Variants in ARHGEF18 observed in about 807,000 individuals in gnomAD.
ARHGEF18 encodes rho guanine nucleotide exchange factor 18.
In ARHGEF18, 93 loss-of-function variants were observed where a neutral mutation model predicts 155.7. The ratio of observed to expected loss-of-function variants is 0.60; its 90% confidence interval spans 0.50 to 0.71. The LOEUF is 0.71. ARHGEF18 is among the 30% of genes least tolerant of loss of function. The probability of loss-of-function intolerance (pLI) is 0.00; values close to 1 mark genes in which losing one functional copy is unlikely to be tolerated. For synonymous variants in ARHGEF18, 742 were observed against 753.1 expected (o/e 0.99, Z 0.24); for missense variants, 1,593 against 1,816.1 (o/e 0.88, Z 2.23).
chr19:7,398,699 A>T (rs900469196), intron 10 of ARHGEF18, among the ~76,000 whole-genome samples: 4 of 148,860 alleles, frequency 2.7e-5, no homozygotes, highest in Admixed American at 1.3e-4. Flanking sequence ...TCAAAAAAAA[A>T]AAAAAAAATA....
intron 10 of ARHGEF18, among the ~76,000 whole-genome samples, chr19:7,404,555 G>A (rs1457059656): frequency 2.0e-5 from 3 of 150,430 alleles, no homozygotes; most frequent in Non-Finnish European, 4.4e-5. Context: ...CGTCTCCCGG[G>A]TTCAAGTGAT....
At chr19:7,476,077 G>A (rs1027552965), downstream of ARHGEF18, among the ~76,000 whole-genome samples, 3 of 152,226 alleles carry the variant, frequency 2.0e-5, no homozygotes, top group Admixed American at 6.5e-5. Flanking sequence ...CTGGGAGGCC[G>A]AGGCAGGCAG....
chr19:7,382,507 TTCCCAGCCCAGG>T (rs1438687337), intron 8 of ARHGEF18, among the ~76,000 whole-genome samples: 1 of 151,726 alleles, frequency 6.6e-6, no homozygotes, highest in East Asian at 1.9e-4. Context: ...AGAGCTGAAA[TTCCCAGCCCAGG>T]CATTGAGGGA....
chr19:7,472,906 TG>T (rs199959278), downstream of ARHGEF18: 3,709 of 446,932 alleles, frequency 8.3e-3, 118 homozygotes, highest in African/African-American at 0.067. Flanking sequence ...TTCGCCATGT[TG>T]GCGAGGCTGG....
intron 10 of ARHGEF18, among the ~76,000 whole-genome samples, chr19:7,386,728 C>G (rs1171157781): frequency 3.9e-5 from 6 of 152,066 alleles, no homozygotes; most frequent in Non-Finnish European, 8.8e-5. Flanking sequence ...ATGCCTGCCC[C>G]CATCTGAGCC....
Position 7,467,626 on chromosome 19 carries a change from G to A in ARHGEF18, c.3422G>A (p.Arg1141His). ...ERERERLELLRRLKKQNTAPG... is the reference protein window; with the variant it reads ...ERERERLELLHRLKKQNTAPG... ...GAGCGGGAGCGCCTGGAGCTGCTGCGCCGCCTCAAGAAGCAGAACACCGCG... is the reference window on the plus strand; with the variant it reads ...GAGCGGGAGCGCCTGGAGCTGCTGCACCGCCTCAAGAAGCAGAACACCGCG... The change falls in exon 26 of 29, where the codon CGC becomes CAC. Residue 1141 changes from arginine (R) to histidine (H), a missense_variant. Physicochemically the swap from Arg to His is conservative, Grantham distance 29. Transcript: ENST00000668164. 2 of 1,514,352 alleles carry A rather than the reference G, an allele frequency of 1.3e-6. No homozygotes were observed. The highest frequency in any genetic ancestry group is 8.8e-7 in the Non-Finnish European group (1 of 1,139,058). The allele number at this position is 1,514,352 out of a possible 1,614,324, so 93.8% of individuals were successfully genotyped here.
chr19:7,372,570 C>T (rs1384953351), intron 2 of ARHGEF18, among the ~76,000 whole-genome samples: 4 of 152,092 alleles, frequency 2.6e-5, no homozygotes, highest in Admixed American at 2.6e-4. Context: ...CATGGAAGAC[C>T]AGACTTCTGG....
chr19:7,447,523 CA>C (rs35981316), intron 15 of ARHGEF18, among the ~76,000 whole-genome samples: 31,347 of 146,780 alleles, frequency 0.21, 3,435 homozygotes, highest in Admixed American at 0.24. Flanking sequence ...TAACAAAAAG[CA>C]AAAAAAAAAA....
In ARHGEF18 at chr19:7,439,528, G is replaced by A. The variant is rs553717437; in HGVS notation, c.968-816G>A. ...TTGTCAGCGGGCACACGTATCCTAT[G>A]ATCTGAACCCTTAAATTAATGAACA... On this transcript the variant is annotated intron_variant, in intron 10 of 28. Transcript: ENST00000668164. 5.9e-5 allele frequency among the ~76,000 whole-genome samples: 9 copies of A among 152,210 alleles called. No homozygotes were observed. The East Asian group carries it at 1.7e-3, about 29-fold the overall frequency.
chr19:7,385,607 C>T (rs1212889020), intron 10 of ARHGEF18, among the ~76,000 whole-genome samples: 1 of 151,442 alleles, frequency 6.6e-6, no homozygotes, highest in Non-Finnish European at 1.5e-5. Flanking sequence ...TCCCGAGTAG[C>T]GGGGATTACA....
Position 7,384,594 on chromosome 19 carries a change from C to T in ARHGEF18, c.967+1391C>T, listed in dbSNP as rs115120487. Among the ~76,000 whole-genome samples the T allele has an allele frequency of 8.8e-3, 1,340 of 152,202 alleles. 26 individuals carry two copies. Among genetic ancestry groups the T allele is most frequent in the African/African-American group, 0.03 (1,228 of 41,538 alleles). On this transcript the variant is annotated intron_variant, in intron 10 of 28. Coordinates refer to ENST00000668164, the MANE Select transcript of ARHGEF18 (RefSeq NM_001367823.1). ...GGCTGTTGGTGGCTAGTGGTGTCAA[C>T]GATGTTCCTCTTTGAGCTCCCTCTG... is the stretch of plus-strand genomic sequence containing the variant.
intron 10 of ARHGEF18, among the ~76,000 whole-genome samples, chr19:7,385,823 A>ATCTCTCTCTATC (rs1568285633): frequency 2.7e-5 from 2 of 73,782 alleles, no homozygotes; most frequent in East Asian, 4.6e-4. Context: ...GATAGGATCT[A>ATCTCTCTCTATC]TCTCTCTCTA....
intron 10 of ARHGEF18, among the ~76,000 whole-genome samples, chr19:7,385,723 G>A (rs926655786): frequency 2.0e-5 from 3 of 151,860 alleles, no homozygotes; most frequent in Non-Finnish European, 4.4e-5. Flanking sequence ...TGATTTGCCT[G>A]CCTTGGCCTC....
chr19:7,388,410 C>T (rs997488757), intron 10 of ARHGEF18, among the ~76,000 whole-genome samples: 2 of 151,694 alleles, frequency 1.3e-5, no homozygotes, highest in African/African-American at 4.8e-5. Context: ...TGCTCTAAAC[C>T]GATTTCCTCA....
At chr19:7,478,565 C>T in the ARHGEF18 span, among the ~76,000 whole-genome samples, 37 of 152,354 alleles carry the variant, frequency 2.4e-4, no homozygotes, top group East Asian at 2.5e-3. Flanking sequence ...ATCTCTAACA[C>T]GGCCCCGTCC....
intron 2 of ARHGEF18, among the ~76,000 whole-genome samples, chr19:7,363,656 G>A (rs1456132683): frequency 1.3e-5 from 2 of 151,926 alleles, no homozygotes; most frequent in African/African-American, 2.4e-5. Context: ...AAGGAAGGAT[G>A]GATGGATAAT....
chr19:7,462,165 G>C lies in ARHGEF18; in HGVS notation c.2466G>C (p.Met822Ile). The C allele has an allele frequency of 6.2e-7, 1 of 1,613,922 alleles. No homozygotes were observed. Residue 822 changes from methionine (M) to isoleucine (I), a missense_variant, in exon 21 of 29, where the codon ATG becomes ATC. By Grantham distance (10) the Met-to-Ile change is conservative (BLOSUM62 1). Transcript: ENST00000668164. This position sits in a 1 kb window ranked among gnomAD's most constrained non-coding sequence, Gnocchi z 4.4. ...RLRDFQERLSMKDQLIAQSLL... is the reference protein window; with the variant it reads ...RLRDFQERLSIKDQLIAQSLL... ...ATCACTCTGCAGAGCGGTTGAGCAT[G>C]AAAGACCAGCTGATCGCACAGAGCC... is the stretch of plus-strand genomic sequence containing the variant.
At chr19:7,446,739 T>TA (rs992201223) in intron 14 of ARHGEF18, among the ~76,000 whole-genome samples, 4 of 150,694 alleles carry the variant, frequency 2.7e-5, no homozygotes, top group Admixed American at 2.0e-4. Context: ...AGACTCTGTC[T>TA]AAAAAAAATT....
intron 10 of ARHGEF18, among the ~76,000 whole-genome samples, chr19:7,416,006 G>A (rs776414987): frequency 3.3e-5 from 5 of 152,150 alleles, no homozygotes; most frequent in African/African-American, 7.2e-5. Context: ...CCACCTTCTC[G>A]TTCAGCCTCT....
Sources: allele counts gnomAD v4.1 joint callset (sites outside exome capture counted in the v4.1 genomes callset), GRCh38; gene constraint gnomAD v4.1.1; non-coding constraint Gnocchi (gnomAD v3.1); transcripts MANE v1.5; gene names NCBI Gene and HGNC (gene_info 2026-07-23, HGNC 2026-07-21).